EARS2: variants seen among roughly 807,000 people sequenced by gnomAD.
EARS2 encodes nondiscriminating glutamyl-tRNA synthetase EARS2, mitochondrial.
Under a neutral mutation model 54.1 loss-of-function variants are expected in EARS2, and 50 were observed. That is an observed-to-expected ratio of 0.92 (90% CI 0.74 to 1.17). The LOEUF is 1.17. Among genes scored for constraint, EARS2 ranks in the 50% most tolerant of loss-of-function variants. EARS2 has a pLI of 0.00. For synonymous variants in EARS2, 298 were observed against 281.0 expected, an observed-to-expected ratio of 1.06 and a Z score of -0.61; for missense variants, 673 against 675.0, an observed-to-expected ratio of 1.00 and a Z score of 0.03.
intron 3 of EARS2, among the ~76,000 whole-genome samples, chr16:23,539,563 C>G (rs772271705): frequency 6.6e-6 from 1 of 152,104 alleles, no homozygotes; most frequent in Admixed American, 6.6e-5. Context: ...TTTGCTTTCG[C>G]TTATTAAACA....
At chr16:23,527,889 G>A (rs1240717821) in intron 7 of EARS2, among the ~76,000 whole-genome samples, 2 of 152,160 alleles carry the variant, frequency 1.3e-5, no homozygotes, top group South Asian at 2.1e-4. Context: ...CTCTATGTTC[G>A]GAATGTTTGT....
intron 4 of EARS2, among the ~76,000 whole-genome samples, chr16:23,534,418 T>A (rs1380628967): frequency 6.6e-6 from 1 of 152,216 alleles, no homozygotes; most frequent in African/African-American, 2.4e-5. Flanking sequence ...ATAAACTAGA[T>A]TCATCTGGCA....
chr16:23,525,216 A>G (rs1246995253), intron 8 of EARS2, 28 bp downstream of exon 8: 1 of 1,614,110 alleles, frequency 6.2e-7, no homozygotes, highest in African/African-American at 1.3e-5. Context: ...GGCTCCAGGG[A>G]ACAATCCAAC....
In EARS2 at chr16:23,525,108, G is replaced by A. The variant is rs1965202612; in HGVS notation, c.1488+136C>T. 11 of 1,186,770 alleles carry A rather than the reference G, an allele frequency of 9.3e-6. No homozygotes were observed. In the African/African-American group the frequency reaches 1.1e-4, roughly 11 times the overall value. 73.5% of individuals were successfully genotyped at this position (1,186,770 alleles called of 1,614,324 possible). A position where few individuals can be genotyped will look rare whatever the true frequency, so the allele number is the denominator to read the frequency against. On this transcript the variant is annotated intron_variant, in intron 8 of 8. Transcript: ENST00000449606. The stretch of plus-strand genomic sequence containing the variant: ...AGGTACTCAATAGTGTCTGTTGATT[G>A]ACTAAATGAGGGGAGTGATCATGTT...
Position 23,529,914 on chromosome 16 carries a change from G to A in EARS2, c.1068-17C>T. On this transcript the variant is annotated splice_polypyrimidine_tract_variant and intron_variant, in intron 5 of 8. Transcript: ENST00000449606. ...AGGTGCAGTCTGCGGAAGAAATCAAGGGGCTGCCCTGCTGTCAACACCCCA... is the reference window on the plus strand; with the variant it reads ...AGGTGCAGTCTGCGGAAGAAATCAAAGGGCTGCCCTGCTGTCAACACCCCA... The A allele has an allele frequency of 6.2e-7, 1 of 1,613,316 alleles. No homozygotes were observed. Among genetic ancestry groups the A allele is most frequent in the Non-Finnish European group, 8.5e-7 (1 of 1,179,716 alleles).
chr16:23,544,130 T>G (rs762350557), intron 3 of EARS2, among the ~76,000 whole-genome samples: 1 of 152,212 alleles, frequency 6.6e-6, no homozygotes, highest in Non-Finnish European at 1.5e-5. Flanking sequence ...AGCTCGTACG[T>G]GCTCACTCTC....
chr16:23,524,462 CA>C lies in EARS2; in HGVS notation c.1489-9del, dbSNP rs752357109. On this transcript the variant is annotated splice_polypyrimidine_tract_variant and intron_variant, in intron 8 of 8. Transcript: ENST00000449606. ...AGCTACAGGAGGTCCTTGCTAAGAA[CA>C]AAAAGAGCAAATATTGCCTTACTAC... 1.9e-6 allele frequency: 3 copies of C among 1,612,800 alleles called. No homozygotes were observed. Among genetic ancestry groups the C allele is most frequent in the Admixed American group, 1.7e-5 (1 of 59,928 alleles).
At chr16:23,524,500 T>TA (rs1471517593) in intron 8 of EARS2, 46 bp from the exon 9 acceptor site, 7 of 1,536,294 alleles carry the variant, frequency 4.6e-6, no homozygotes, top group Admixed American at 1.7e-5. Context: ...TTAAACAGCC[T>TA]AAAGAACTGA....
Position 23,532,694 on chromosome 16 carries a change from C to A in EARS2, c.1030G>T (p.Ala344Ser), listed in dbSNP as rs528598850. The A allele has an allele frequency of 1.9e-6, 3 of 1,614,136 alleles. No individual in the cohort carries two copies. The African/African-American group carries it at 4.0e-5, about 22-fold the overall frequency. Residue 344 changes from alanine to serine, a missense_variant, in exon 5 of 9, where the codon GCC (alanine) becomes TCC (serine). Physicochemically the swap from Ala to Ser is moderately conservative, Grantham distance 99. Transcript: ENST00000449606. Reference protein sequence around the residue: ...FNLTQVTCHSALLDLEKLPEF... With the variant: ...FNLTQVTCHSSLLDLEKLPEF... ...GGGAGCTTCTCCAGGTCCAGCAGGG[C>A]TGAGTGACAGGTGACCTGTGTCAGG...
In EARS2 at chr16:23,521,198, ATGT is replaced by A. The variant is rs1965139412; in HGVS notation, c.*3170_*3172del. Among the ~76,000 whole-genome samples the A allele has an allele frequency of 1.3e-5, 2 of 152,314 alleles. No homozygotes were observed. The highest frequency in any genetic ancestry group is 3.9e-4 in the East Asian group (2 of 5,194). ...TTCAGCGGCATTACGTATCTTTATA[ATGT>A]TGTGCAATTATCACCACCATTGACC... On this transcript the variant is annotated 3_prime_UTR_variant, in exon 9 of 9. Coordinates refer to ENST00000449606, the MANE Select transcript of EARS2 (RefSeq NM_001083614.2).
At chr16:23,524,495 C>A (rs765449250) in intron 8 of EARS2, 41 bp from the exon 9 acceptor site, 6 of 1,560,704 alleles carry the variant, frequency 3.8e-6, no homozygotes, top group Middle Eastern at 1.7e-4. Flanking sequence ...CTACCTTAAA[C>A]AGCCTAAAGA....
intron 1 of EARS2, among the ~76,000 whole-genome samples, chr16:23,554,885 G>T (rs1246285528): frequency 6.6e-6 from 1 of 152,176 alleles, no homozygotes; most frequent in Non-Finnish European, 1.5e-5. Flanking sequence ...TTATTATAGG[G>T]TTGCTCTGAG....
At position 23,535,284 on chromosome 16, in the gene EARS2, G is replaced by T; in HGVS notation, c.562C>A (p.Arg188Ser). 1 of 1,607,484 alleles carries T rather than the reference G, an allele frequency of 6.2e-7. No individual in the cohort carries two copies. Among genetic ancestry groups the T allele is most frequent in the Non-Finnish European group, 8.5e-7 (1 of 1,179,986 alleles). The change falls in exon 4 of 9, where the codon CGC becomes AGC. Residue 188 changes from arginine (R) to serine (S), a missense_variant. Physicochemically the swap from Arg to Ser is moderately radical, Grantham distance 110. Coordinates refer to ENST00000449606, the MANE Select transcript of EARS2 (RefSeq NM_001083614.2). ...KLAKDPKPAI[R>S]FRLEQVVPAF... ...GGCACCACCTGCTCCAGGCGGAAGC[G>T]GATCGCAGGCTTGGGGTCCTTGGCC...
intron 2 of EARS2, among the ~76,000 whole-genome samples, chr16:23,551,789 C>T (rs560393351): frequency 2.0e-5 from 3 of 152,038 alleles, no homozygotes; most frequent in Non-Finnish European, 4.4e-5. Context: ...GGCGTGGTGG[C>T]GGGCGCCTGT....
rs1965153821 is a variant in EARS2, at chr16:23,522,416, G to A, written c.*1955C>T. 1 of 152,532 alleles carries A rather than the reference G, an allele frequency of 6.6e-6. No individual in the cohort carries two copies. The highest frequency in any genetic ancestry group is 6.5e-5 in the Admixed American group (1 of 15,342). 9.4% of individuals were successfully genotyped at this position (152,532 alleles called of 1,614,324 possible). On this transcript the variant is annotated 3_prime_UTR_variant, in exon 9 of 9. Coordinates refer to ENST00000449606, the MANE Select transcript of EARS2 (RefSeq NM_001083614.2). Reference sequence around the variant, plus strand: ...TCATGTGTCGCCATCAAAGAACTCAGACAAGATTGGCCATTAGCTCCTGTA... The same window carrying A: ...TCATGTGTCGCCATCAAAGAACTCAAACAAGATTGGCCATTAGCTCCTGTA...
At chr16:23,531,666 G>A (rs1453981218) in intron 5 of EARS2, among the ~76,000 whole-genome samples, 4 of 152,176 alleles carry the variant, frequency 2.6e-5, no homozygotes, top group African/African-American at 9.7e-5. Context: ...AGTAAATAAA[G>A]TAATAGCCCT....
intron 3 of EARS2, 41 bp from the exon 4 acceptor site, chr16:23,535,401 G>T (rs753846213): frequency 3.8e-5 from 59 of 1,562,752 alleles, no homozygotes; most frequent in Non-Finnish European, 5.1e-5. Flanking sequence ...TTGATGGAAA[G>T]GTTGATGGAC....
At chr16:23,554,939 C>T (rs1459007135) in intron 1 of EARS2, among the ~76,000 whole-genome samples, 6 of 152,218 alleles carry the variant, frequency 3.9e-5, no homozygotes, top group African/African-American at 1.4e-4. Flanking sequence ...ATTTCAGCTA[C>T]TGTAATGATC....
At chr16:23,538,802 G>A (rs942921886) in intron 3 of EARS2, among the ~76,000 whole-genome samples, 1 of 152,024 alleles carries the variant, frequency 6.6e-6, no homozygotes, top group African/African-American at 2.4e-5. Flanking sequence ...CAAGGCTGTG[G>A]TGAGTCATGA....
Sources: gnomAD v4.1 joint callset for allele counts (sites outside exome capture counted in the v4.1 genomes callset) on GRCh38, gnomAD v4.1.1 for gene constraint, MANE v1.5 for transcripts, NCBI Gene and HGNC (gene_info 2026-07-23, HGNC 2026-07-21) for gene names.